The following SMG1 variants were observed in gnomAD, a reference collection of about 807,000 sequenced individuals.
The protein encoded by SMG1 is serine/threonine-protein kinase SMG1.
In SMG1, 22 loss-of-function variants were observed where a neutral mutation model predicts 419.9. The ratio of observed to expected loss-of-function variants is 0.05; its 90% CI spans 0.04 to 0.07. The LOEUF (loss-of-function observed/expected upper bound fraction) is 0.07. SMG1 is among the 10% of genes least tolerant of loss of function. The pLI is 1.00. For synonymous variants in SMG1, 1,538 were observed against 1,553.5 expected, an observed-to-expected ratio of 0.99 and a Z score of 0.23; for missense variants, 3,185 against 4,342.0, an observed-to-expected ratio of 0.73 and a Z score of 7.49.
At chr16:18,882,067 A>G in intron 10 of SMG1, 98 bp downstream of exon 10, 1 of 804,196 alleles carries the variant, frequency 1.2e-6, no homozygotes, top group Non-Finnish European at 1.9e-6. Flanking sequence ...TGCTAAACAA[A>G]TGAAGGATTA....
At chr16:18,894,793 T>C (rs1324279581) in intron 3 of SMG1, among the ~76,000 whole-genome samples, 1 of 152,040 alleles carries the variant, frequency 6.6e-6, no homozygotes, top group East Asian at 1.9e-4. Flanking sequence ...AAATTATCAT[T>C]ACCTCCAATC....
chr16:18,885,410 C>T (rs1483570657), intron 7 of SMG1, 131 bp downstream of exon 7: 3 of 1,196,594 alleles, frequency 2.5e-6, no homozygotes, highest in African/African-American at 3.0e-5. Context: ...GGTATTTAAC[C>T]CTGGAACCTC....
intron 1 of SMG1, 108 bp downstream of exon 1, chr16:18,925,842 G>A (rs1296997202): frequency 1.2e-5 from 10 of 826,058 alleles, no homozygotes; most frequent in Middle Eastern, 3.7e-4. Flanking sequence ...GCCCGGCTCC[G>A]AGGGGTGGAG....
At position 18,926,165 on chromosome 16, in the gene SMG1, GAGGAGGAGGAGGAGGAGA is replaced by G. The variant is rs2038400435; in HGVS notation, c.-142_-125del. 4.0e-6 allele frequency: 3 copies of G among 743,754 alleles called. No individual in the cohort carries two copies. The highest frequency in any genetic ancestry group is 3.2e-5 in the East Asian group (1 of 30,770). The allele number at this position is 743,754 out of a possible 1,614,324, so 46.1% of individuals were successfully genotyped here. Reference sequence around the variant, plus strand: ...TGAGGAGGAAGCCGAGAAGGAGGAGGAGGAGGAGGAGGAGGAGAAGGAGGAGGCGGCGGAGGGCGGGGG... The same window carrying G: ...TGAGGAGGAAGCCGAGAAGGAGGAGGAGGAGGAGGCGGCGGAGGGCGGGGG... On this transcript the variant is annotated 5_prime_UTR_variant, in exon 1 of 63. Coordinates refer to ENST00000446231, the MANE Select transcript of SMG1 (RefSeq NM_015092.5).
intron 55 of SMG1, among the ~76,000 whole-genome samples, chr16:18,827,147 C>T (rs1040295697): frequency 1.3e-4 from 20 of 151,940 alleles, no homozygotes; most frequent in African/African-American, 4.6e-4. Context: ...AAAATATAGG[C>T]CGGGTGCGGT....
chr16:18,882,923 A>G (rs1327354453), intron 9 of SMG1, among the ~76,000 whole-genome samples: 3 of 152,274 alleles, frequency 2.0e-5, no homozygotes, highest in Non-Finnish European at 4.4e-5. Context: ...TCTTAAGGAT[A>G]ACAAGGGGAA....
rs776873619 is a variant in SMG1 at position 18,835,043 on chromosome 16, G to A, written c.8179C>T (p.Arg2727Cys). The change falls in exon 49 of 63, where the codon CGC (arginine) becomes TGC (cysteine). Residue 2727 changes from arginine (R) to cysteine (C), a missense_variant. By Grantham distance (180) the Arg-to-Cys change is radical. Transcript: ENST00000446231. ...INSRLIRQVE[R>C]LKQEAVTVPV... ...ACAGTGACAGCTTCCTGTTTCAAGC[G>A]TTCCACTTGTCTAATAAGTCTGCTG... is the stretch of plus-strand genomic sequence containing the variant. 1.4e-5 allele frequency: 23 copies of A among 1,613,966 alleles called. No homozygotes were observed. The highest frequency in any genetic ancestry group is 3.3e-5 in the South Asian group (3 of 91,080).
intron 1 of SMG1, among the ~76,000 whole-genome samples, chr16:18,924,407 T>C (rs1188940271): frequency 6.6e-6 from 1 of 152,218 alleles, no homozygotes; most frequent in Non-Finnish European, 1.5e-5. Flanking sequence ...GGGCACTTTA[T>C]TCTTCTAAAA....
rs1214810303 is a variant in SMG1, at chr16:18,844,568, T to TCACACACACACACA, written c.6219+860_6219+861insTGTGTGTGTGTGTG. On this transcript the variant is annotated intron_variant, in intron 39 of 62. Transcript: ENST00000446231. ...GAACACATAATAAACTTCATCCTTCTCTCACACACACACACGGAAACTCGA... is the reference window on the plus strand; with the variant it reads ...GAACACATAATAAACTTCATCCTTCTCACACACACACACACTCACACACACACACGGAAACTCGA... Among the ~76,000 whole-genome samples, 7 of 37,576 alleles carry TCACACACACACACA rather than the reference T, an allele frequency of 1.9e-4. 1 individual carries two copies. Among genetic ancestry groups the TCACACACACACACA allele is most frequent in the African/African-American group, 1.0e-3 (6 of 5,742 alleles). The allele number at this position is 37,576 out of a possible 152,430, so 24.7% of individuals were successfully genotyped here. A position where few individuals can be genotyped will look rare whatever the true frequency, so the allele number is the denominator to read the frequency against.
intron 13 of SMG1, among the ~76,000 whole-genome samples, chr16:18,874,229 C>T (rs2035981382): frequency 6.6e-6 from 1 of 152,012 alleles, no homozygotes; most frequent in Non-Finnish European, 1.5e-5. Flanking sequence ...ACCTCCACTT[C>T]CTGGGTTCAA....
At chr16:18,821,217 GTTTCTT>G (rs1473166052) in intron 55 of SMG1, among the ~76,000 whole-genome samples, 609 of 31,686 alleles carry the variant, frequency 0.019, 22 homozygotes, top group African/African-American at 0.061. Flanking sequence ...TATTTAGTAT[GTTTCTT>G]TTTTTTTTTT....
intron 9 of SMG1, 63 bp from the exon 10 acceptor site, chr16:18,882,401 A>AC: frequency 2.3e-6 from 2 of 884,920 alleles, no homozygotes; most frequent in South Asian, 3.1e-5. Context: ...AAAAAAAAAA[A>AC]CTCTAAAATA....
At chr16:18,917,144 T>C (rs71382581) in intron 1 of SMG1, among the ~76,000 whole-genome samples, 14,464 of 151,910 alleles carry the variant, frequency 0.095, 771 homozygotes, top group Middle Eastern at 0.18. Flanking sequence ...CCTTAATTAA[T>C]TAATTTATTT....
At chr16:18,880,688 G>A (rs1414688329) in intron 10 of SMG1, among the ~76,000 whole-genome samples, 5 of 137,030 alleles carry the variant, frequency 3.6e-5, no homozygotes, top group Non-Finnish European at 3.1e-5. Flanking sequence ...GCACTCCAGC[G>A]TGGGCAACAG....
intron 22 of SMG1, among the ~76,000 whole-genome samples, chr16:18,867,020 T>C (rs2035548539): frequency 6.6e-6 from 1 of 152,116 alleles, no homozygotes; most frequent in African/African-American, 2.4e-5. Context: ...TACCCAAACA[T>C]TCAACCTGTG....
Position 18,835,065 on chromosome 16 carries a change from G to C in SMG1, c.8157C>G (p.Ser2719Arg). The C allele has an allele frequency of 6.2e-7, 1 of 1,614,012 alleles. No homozygotes were observed. Among genetic ancestry groups the C allele is most frequent in the Non-Finnish European group, 8.5e-7 (1 of 1,179,892 alleles). ...AGCGTTCCACTTGTCTAATAAGTCT[G>C]CTGTTGATGTCTGCTGCGTATCGCT... is the stretch of plus-strand genomic sequence containing the variant. ...TLQRYAADINSRLIRQVERLK... is the reference protein window; with the variant it reads ...TLQRYAADINRRLIRQVERLK... Residue 2719 changes from serine (S) to arginine (R), a missense_variant, in exon 49 of 63, where the codon AGC (serine) becomes AGG (arginine). This residue lies in a region of SMG1 where 412 missense variants were observed against 546.6 expected (regional missense o/e 0.75). Transcript: ENST00000446231.
chr16:18,872,161 T>G lies in SMG1; in HGVS notation c.2183+23A>C, dbSNP rs760667803. 3.1e-6 allele frequency: 4 copies of G among 1,298,136 alleles called. No individual in the cohort carries two copies. In the Admixed American group the frequency reaches 9.6e-5, roughly 31 times the overall value. The allele number at this position is 1,298,136 out of a possible 1,614,324, so 80.4% of individuals were successfully genotyped here. ...GCAAATTAACAAAGTTAGGAATAGT[T>G]AATACTATATAATATCTGTTACCTC... On this transcript the variant is annotated intron_variant, in intron 15 of 62. Coordinates refer to ENST00000446231, the MANE Select transcript of SMG1 (RefSeq NM_015092.5).
At chr16:18,919,655 T>C (rs573980215) in intron 1 of SMG1, among the ~76,000 whole-genome samples, 1,191 of 79,940 alleles carry the variant, frequency 0.015, 28 homozygotes, top group African/African-American at 0.054. Context: ...TGTGTGTATA[T>C]ATACACACAC....
chr16:18,907,531 C>T lies in SMG1; in HGVS notation c.93-10575G>A, dbSNP rs182664622. ...GTGGCTCTCTGCCTTTATTTCTAACCCAAGCTAGCTTACAACCTTAAAAAG... is the reference window on the plus strand; with the variant it reads ...GTGGCTCTCTGCCTTTATTTCTAACTCAAGCTAGCTTACAACCTTAAAAAG... On this transcript the variant is annotated intron_variant, in intron 1 of 62. Transcript: ENST00000446231. Among the ~76,000 whole-genome samples the T allele has an allele frequency of 1.1e-4, 17 of 151,950 alleles. No individual in the cohort carries two copies. The Middle Eastern group carries it at 0.01, about 92-fold the overall frequency.
Sources: gnomAD v4.1 joint callset for allele counts (sites outside exome capture counted in the v4.1 genomes callset) on GRCh38, gnomAD v4.1.1 for gene constraint, gnomAD v4.1.1 regional missense constraint, MANE v1.5 for transcripts, NCBI Gene and HGNC (gene_info 2026-07-23, HGNC 2026-07-21) for gene names.